BANK1: variants seen among roughly 807,000 people sequenced by gnomAD.
BANK1 encodes B-cell scaffold protein with ankyrin repeats.
A neutral mutation model predicts 94.5 loss-of-function variants in BANK1; 95 were observed. The ratio of observed to expected loss-of-function variants is 1.00; its 90% confidence interval spans 0.85 to 1.19. The LOEUF is 1.19. Among genes scored for constraint, BANK1 ranks in the 50% most tolerant of loss-of-function variants. BANK1 has a pLI of 0.00. For missense variants in BANK1, 987 were observed against 932.2 expected, an observed-to-expected ratio of 1.06 and a Z score of -0.77; for synonymous variants, 334 against 308.4, an observed-to-expected ratio of 1.08 and a Z score of -0.87.
chr4:101,890,824 A>C (rs562543587), intron 5 of BANK1, among the ~76,000 whole-genome samples: 1 of 150,338 alleles, frequency 6.7e-6, no homozygotes, highest in Non-Finnish European at 1.5e-5. Context: ...CAACTTTTTA[A>C]GTTGTTGATG....
chr4:101,849,474 G>T (rs1727387335), intron 2 of BANK1, among the ~76,000 whole-genome samples: 1 of 152,020 alleles, frequency 6.6e-6, no homozygotes. Context: ...AGTGGTGGTG[G>T]CGTTTTTAGT....
intron 1 of BANK1, among the ~76,000 whole-genome samples, chr4:101,805,765 C>A (rs946743948): frequency 6.6e-6 from 1 of 151,630 alleles, no homozygotes; most frequent in Non-Finnish European, 1.5e-5. Context: ...TAAACTAACA[C>A]CCTGGTTTTG....
chr4:101,809,630 C>T (rs951607129), intron 1 of BANK1, among the ~76,000 whole-genome samples: 5 of 152,120 alleles, frequency 3.3e-5, no homozygotes, highest in Non-Finnish European at 5.9e-5. Context: ...CTTTCAAGCT[C>T]CCACTAATTG....
intron 4 of BANK1, among the ~76,000 whole-genome samples, chr4:101,866,681 C>T (rs1578366380): frequency 2.0e-5 from 1 of 49,520 alleles, no homozygotes; most frequent in South Asian, 4.7e-4. Flanking sequence ...ACCCAAAGGA[C>T]TATAAATCAT....
At chr4:101,857,102 C>T (rs35400474) in intron 3 of BANK1, among the ~76,000 whole-genome samples, 10,837 of 152,170 alleles carry the variant, frequency 0.071, 615 homozygotes, top group East Asian at 0.18. Context: ...AAAGCACAAC[C>T]TTTGAATTCA....
At chr4:101,886,052 A>G (rs547397773) in intron 5 of BANK1, among the ~76,000 whole-genome samples, 1 of 152,292 alleles carries the variant, frequency 6.6e-6, no homozygotes, top group South Asian at 2.1e-4. Flanking sequence ...ATAATTTGGG[A>G]CCACTGTTGT....
intron 2 of BANK1, among the ~76,000 whole-genome samples, chr4:101,842,515 C>G (rs950238650): frequency 5.3e-5 from 8 of 152,088 alleles, no homozygotes; most frequent in African/African-American, 1.9e-4. Flanking sequence ...AATAACAGAA[C>G]TGGAATGTGG....
intron 7 of BANK1, among the ~76,000 whole-genome samples, chr4:102,017,653 A>G (rs1044054564): frequency 6.6e-6 from 1 of 152,238 alleles, no homozygotes; most frequent in Non-Finnish European, 1.5e-5. Context: ...CAATATGCCT[A>G]CTGCTTCTTT....
intron 1 of BANK1, among the ~76,000 whole-genome samples, chr4:101,822,594 T>A (rs1726206160): frequency 6.6e-6 from 1 of 151,768 alleles, no homozygotes; most frequent in Non-Finnish European, 1.5e-5. Context: ...GGTCTTATGG[T>A]CAGTGTTGTC....
At position 101,919,318 on chromosome 4, in the gene BANK1, A is replaced by G. The variant is rs1408322111; in HGVS notation, c.1206+1129A>G. 2.0e-5 allele frequency among the ~76,000 whole-genome samples: 3 copies of G among 151,974 alleles called. No individual in the cohort carries two copies. The East Asian group carries it at 5.8e-4, about 29-fold the overall frequency. The stretch of plus-strand genomic sequence containing the variant: ...GTCCTAGCATCTAGGGATGCTTTCT[A>G]AAATAATCCCTGATTTTCAAAAAGT... On this transcript the variant is annotated intron_variant, in intron 7 of 16. Transcript: ENST00000322953.
At chr4:101,937,073 G>A (rs975845202) in intron 7 of BANK1, among the ~76,000 whole-genome samples, 1 of 151,598 alleles carries the variant, frequency 6.6e-6, no homozygotes, top group Non-Finnish European at 1.5e-5. Context: ...CAGACAAATG[G>A]ATAAAGAAAA....
chr4:102,065,344 A>G (rs887299911), intron 13 of BANK1, among the ~76,000 whole-genome samples: 1 of 152,316 alleles, frequency 6.6e-6, no homozygotes, highest in South Asian at 2.1e-4. Context: ...TCAGGGCCTT[A>G]AAAAGAAAAC....
At chr4:102,057,285 T>C (rs1385104606) in intron 11 of BANK1, among the ~76,000 whole-genome samples, 1 of 151,588 alleles carries the variant, frequency 6.6e-6, no homozygotes, top group Non-Finnish European at 1.5e-5. Context: ...CTGCTCTCTC[T>C]CTCTTTCTCT....
chr4:102,040,420 A>G (rs1316054012), intron 10 of BANK1, among the ~76,000 whole-genome samples: 1 of 151,992 alleles, frequency 6.6e-6, no homozygotes, highest in Non-Finnish European at 1.5e-5. Flanking sequence ...TTTATGTTTA[A>G]AGGTGGTGAC....
At chr4:102,069,513 T>G (rs2148967355) in intron 13 of BANK1, among the ~76,000 whole-genome samples, 1 of 152,356 alleles carries the variant, frequency 6.6e-6, no homozygotes, top group African/African-American at 2.4e-5. Flanking sequence ...TATGCATTGC[T>G]TATGGGAATA....
At chr4:101,986,899 G>GTGTGTATATATA (rs1343197093) in intron 7 of BANK1, among the ~76,000 whole-genome samples, 18 of 82,660 alleles carry the variant, frequency 2.2e-4, no homozygotes, top group African/African-American at 1.1e-3. Flanking sequence ...GTGTGTGTGT[G>GTGTGTATATATA]TATATATATA....
At chr4:101,856,376 C>T (rs1203803321) in intron 3 of BANK1, among the ~76,000 whole-genome samples, 4 of 121,786 alleles carry the variant, frequency 3.3e-5, no homozygotes, top group Admixed American at 7.3e-5. Context: ...ATTACAAGGG[C>T]TCAGAACTTA....
chr4:101,845,490 G>C (rs971917384), intron 2 of BANK1, among the ~76,000 whole-genome samples: 2 of 152,128 alleles, frequency 1.3e-5, no homozygotes, highest in African/African-American at 4.8e-5. Context: ...AGCTACTTGA[G>C]AGAAAACAAC....
chr4:101,824,894 T>G (rs1279141994), intron 1 of BANK1, among the ~76,000 whole-genome samples: 1 of 152,174 alleles, frequency 6.6e-6, no homozygotes, highest in Non-Finnish European at 1.5e-5. Context: ...CTTTTGGTAA[T>G]ATGTAATGTA....
Sources: gnomAD v4.1 joint callset for allele counts (sites outside exome capture counted in the v4.1 genomes callset) on GRCh38, gnomAD v4.1.1 for gene constraint, MANE v1.5 for transcripts, NCBI Gene and HGNC (gene_info 2026-07-23, HGNC 2026-07-21) for gene names.